The following ESRRG variants were observed in gnomAD, a reference collection of about 807,000 sequenced individuals.
The protein encoded by ESRRG is estrogen related receptor gamma.
Under a neutral mutation model 44.0 loss-of-function variants are expected in ESRRG, and 13 were observed. That is an observed-to-expected ratio of 0.30 (90% CI 0.19 to 0.47). ESRRG has a LOEUF of 0.47. Ranked by LOEUF, ESRRG falls within the 20% of genes least tolerant of loss-of-function variation. The pLI, the probability that ESRRG is intolerant of heterozygous loss-of-function variation, is 1.00. For synonymous variants in ESRRG, 215 were observed against 214.6 expected (o/e 1.00, Z -0.02); for missense variants, 395 against 580.6 (o/e 0.68, Z 3.29).
Position 217,087,443 on chromosome 1 carries a change from T to G in ESRRG, c.-106+2064A>C, listed in dbSNP as rs183519735. 2.7e-3 allele frequency among the ~76,000 whole-genome samples: 411 copies of G among 152,354 alleles called. 1 individual carries two copies. The highest frequency in any genetic ancestry group is 5.0e-3 in the Non-Finnish European group (339 of 68,036). On this transcript the variant is annotated intron_variant, in intron 1 of 7. Coordinates refer to the ESRRG transcript ENST00000359162. ...GAACATGGTACTCTCTTGGTAACCT[T>G]TTAATTTCTGGAAAAATTGTACAGA... is the stretch of plus-strand genomic sequence containing the variant.
At chr1:216,783,621 G>A (rs951172865) in intron 2 of ESRRG, among the ~76,000 whole-genome samples, 10 of 151,978 alleles carry the variant, frequency 6.6e-5, no homozygotes, top group Non-Finnish European at 1.2e-4. Flanking sequence ...TGGGAATTGA[G>A]GTCCCCAGGT....
At chr1:216,652,656 A>T (rs866660025) in intron 2 of ESRRG, among the ~76,000 whole-genome samples, 8 of 152,152 alleles carry the variant, frequency 5.3e-5, no homozygotes, top group African/African-American at 1.9e-4. Context: ...CCTTCCTTGG[A>T]GATATTACTG....
intron 1 of ESRRG, among the ~76,000 whole-genome samples, chr1:217,133,627 TTCTTTCTCTCTCTCTCTC>T (rs1208962769): frequency 2.6e-5 from 1 of 38,824 alleles, no homozygotes; most frequent in African/African-American, 6.8e-5. Flanking sequence ...CTTTCTTTCT[TTCTTTCTCTCTCTCTCTC>T]TCTTTCTTTC....
Position 216,506,587 on chromosome 1 carries a change from T to G in ESRRG, c.*352A>C, listed in dbSNP as rs1327712569. 4.5e-6 allele frequency: 2 copies of G among 448,742 alleles called. No individual in the cohort carries two copies. The highest frequency in any genetic ancestry group is 4.3e-5 in the African/African-American group (2 of 46,198). The allele number at this position is 448,742 out of a possible 1,614,324, so 27.8% of individuals were successfully genotyped here. On this transcript the variant is annotated 3_prime_UTR_variant, in exon 7 of 7. Transcript: ENST00000408911. ...GGATGAGAAAAGAGAGGAATGAGAG[T>G]AGGTAAAGAAAAGAAAGAAGGCAGG...
At chr1:216,566,756 A>C (rs2059751064) in intron 4 of ESRRG, among the ~76,000 whole-genome samples, 1 of 152,218 alleles carries the variant, frequency 6.6e-6, no homozygotes, top group South Asian at 2.1e-4. Context: ...GCAGAATGCC[A>C]AACAGCTTAT....
At chr1:216,747,752 G>A (rs1030543390) in intron 2 of ESRRG, among the ~76,000 whole-genome samples, 3 of 152,024 alleles carry the variant, frequency 2.0e-5, no homozygotes, top group Non-Finnish European at 4.4e-5. Flanking sequence ...TGAGAAAAAA[G>A]GACTAATTTA....
chr1:217,020,877 G>C (rs1036144736), intron 1 of ESRRG, among the ~76,000 whole-genome samples: 1 of 152,008 alleles, frequency 6.6e-6, no homozygotes, highest in Non-Finnish European at 1.5e-5. Context: ...TCATCCTGAC[G>C]CATGACATGA....
chr1:216,582,226 C>T (rs1248786475), intron 3 of ESRRG, among the ~76,000 whole-genome samples: 1 of 152,136 alleles, frequency 6.6e-6, no homozygotes, highest in Non-Finnish European at 1.5e-5. Context: ...TAATCACCCA[C>T]ACATCCAGAC....
At chr1:216,835,201 C>A (rs1278994654) in intron 2 of ESRRG, among the ~76,000 whole-genome samples, 2 of 152,144 alleles carry the variant, frequency 1.3e-5, no homozygotes, top group African/African-American at 4.8e-5. Flanking sequence ...AAAACTTCAG[C>A]TGATTAAATT....
intron 2 of ESRRG, among the ~76,000 whole-genome samples, chr1:216,889,450 C>T (rs927099700): frequency 1.3e-5 from 2 of 152,164 alleles, no homozygotes; most frequent in Non-Finnish European, 2.9e-5. Context: ...CCTTGCTGGG[C>T]TATCAGGACA....
At chr1:216,908,970 A>G (rs530769571) in intron 2 of ESRRG, among the ~76,000 whole-genome samples, 24 of 152,224 alleles carry the variant, frequency 1.6e-4, no homozygotes, top group Non-Finnish European at 2.5e-4. Flanking sequence ...ACAGATAAAG[A>G]GGGGATTAAA....
chr1:217,059,818 C>T (rs186802372), intron 1 of ESRRG, among the ~76,000 whole-genome samples: 128 of 151,976 alleles, frequency 8.4e-4, no homozygotes, highest in Admixed American at 7.7e-3. Context: ...TGGCTCTGGA[C>T]CCTCAATAGA....
chr1:216,811,110 T>C (rs2094955097), intron 2 of ESRRG, among the ~76,000 whole-genome samples: 1 of 152,104 alleles, frequency 6.6e-6, no homozygotes, highest in East Asian at 1.9e-4. Flanking sequence ...ATATGAAGAA[T>C]GTGAATTCTA....
chr1:216,896,667 C>G (rs138589634), intron 2 of ESRRG, among the ~76,000 whole-genome samples: 4 of 152,168 alleles, frequency 2.6e-5, no homozygotes, highest in Non-Finnish European at 5.9e-5. Flanking sequence ...CCCAGTCTGT[C>G]AATTTTTCAG....
chr1:217,011,043 T>A (rs1311850031), intron 1 of ESRRG, among the ~76,000 whole-genome samples: 1 of 152,202 alleles, frequency 6.6e-6, no homozygotes, highest in African/African-American at 2.4e-5. Flanking sequence ...ACTGCTTAGA[T>A]ATACTGACGA....
intron 6 of ESRRG, among the ~76,000 whole-genome samples, chr1:216,508,026 G>A (rs1472849966): frequency 6.6e-6 from 1 of 152,162 alleles, no homozygotes; most frequent in Admixed American, 6.5e-5. Context: ...CATTTAGCAC[G>A]TTTTATTGAT....
chr1:216,733,373 C>G (rs944839419), intron 2 of ESRRG, among the ~76,000 whole-genome samples: 3 of 151,644 alleles, frequency 2.0e-5, no homozygotes, highest in African/African-American at 7.3e-5. Flanking sequence ...TTAAATAAGA[C>G]AATATTAGCT....
chr1:216,789,894 C>T (rs987463015), intron 2 of ESRRG, among the ~76,000 whole-genome samples: 1 of 152,272 alleles, frequency 6.6e-6, no homozygotes, highest in East Asian at 1.9e-4. Context: ...CTGTTCCACC[C>T]TGTTTCCTGG....
intron 1 of ESRRG, among the ~76,000 whole-genome samples, chr1:216,987,956 G>T (rs2075128017): frequency 6.6e-6 from 1 of 152,138 alleles, no homozygotes; most frequent in East Asian, 1.9e-4. Context: ...CAGCAAGACT[G>T]AACTCCAGTT....
Sources: gnomAD v4.1 joint callset for allele counts (sites outside exome capture counted in the v4.1 genomes callset) on GRCh38, gnomAD v4.1.1 for gene constraint, MANE v1.5 for transcripts, NCBI Gene and HGNC (gene_info 2026-07-23, HGNC 2026-07-21) for gene names.